The following GET4 variants were observed in gnomAD, a reference collection of about 807,000 sequenced individuals.
The protein encoded by GET4 is guided entry of tail-anchored proteins factor 4, also known as Golgi to ER traffic protein 4 homolog.
GET4 carries 20 observed loss-of-function variants against 40.0 expected under a neutral mutation model. The observed-to-expected ratio is 0.50, with a 90% CI of 0.35 to 0.73. GET4 has a LOEUF of 0.73. GET4 is among the 30% of genes least tolerant of loss of function. The pLI is 0.01. For synonymous variants in GET4, 280 were observed against 194.6 expected (o/e 1.44, Z -3.65); for missense variants, 557 against 454.0 (o/e 1.23, Z -2.06).
intron 4 of GET4, among the ~76,000 whole-genome samples, chr7:889,543 A>C (rs1844267728): frequency 6.6e-6 from 1 of 152,168 alleles, no homozygotes; most frequent in South Asian, 2.1e-4. Context: ...CAGCGCAGTC[A>C]GGAAAGGGCC....
intron 8 of GET4, among the ~76,000 whole-genome samples, chr7:894,614 G>A (rs62430817): frequency 4.6e-5 from 7 of 151,986 alleles, no homozygotes; most frequent in African/African-American, 9.7e-5. Flanking sequence ...CCCAACACCC[G>A]TCAGGAGCGC....
chr7:878,558 T>C (rs1844016316), intron 1 of GET4, among the ~76,000 whole-genome samples: 1 of 151,786 alleles, frequency 6.6e-6, no homozygotes, highest in African/African-American at 2.4e-5. Context: ...TTCAGGGGTT[T>C]TTTCCTTTTA....
Position 891,066 on chromosome 7 carries a change from A to G in GET4, c.605A>G (p.Gln202Arg), listed in dbSNP as rs1773978848. The G allele has an allele frequency of 1.3e-6, 2 of 1,592,148 alleles. No individual in the cohort carries two copies. The highest frequency in any genetic ancestry group is 1.7e-5 in the Admixed American group (1 of 58,380). ...VDMFVAQAVL[Q>R]FLCLKNKSSA... is the part of the protein sequence containing the mutation. ...ATGTTCGTGGCCCAGGCCGTGCTAC[A>G]GTAGGTGTCTGTGGCTCTTCGGGTC... is the stretch of plus-strand genomic sequence containing the variant. Residue 202 changes from glutamine to arginine, a missense_variant and splice_region_variant, in exon 5 of 9, where the codon CAG becomes CGG. By Grantham distance (43) the Gln-to-Arg change is conservative. Coordinates refer to ENST00000265857, the MANE Select transcript of GET4 (RefSeq NM_015949.3).
At chr7:895,116 C>CT (rs1844447663) in intron 8 of GET4, among the ~76,000 whole-genome samples, 1 of 151,902 alleles carries the variant, frequency 6.6e-6, no homozygotes, top group Non-Finnish European at 1.5e-5. Flanking sequence ...TGGAGTCCCC[C>CT]GTGGCTGCTC....
At chr7:894,079 T>A (rs1308364922) in intron 8 of GET4, 108 bp downstream of exon 8, 1 of 628,932 alleles carries the variant, frequency 1.6e-6, no homozygotes, top group East Asian at 2.9e-5. Flanking sequence ...AGTGGTTTTC[T>A]GATCTTTTAA....
chr7:886,062 G>C lies in GET4; in HGVS notation c.162G>C (p.Met54Ile), dbSNP rs1039603539. 1.9e-6 allele frequency: 3 copies of C among 1,601,016 alleles called. No homozygotes were observed. The highest frequency in any genetic ancestry group is 3.3e-4 in the Middle Eastern group (2 of 6,034). ...GGTCTCCTCTCTGTGGCAGGTACATGTCCCAGAGCAAGCACACGGAGGCCC... is the reference window on the plus strand; with the variant it reads ...GGTCTCCTCTCTGTGGCAGGTACATCTCCCAGAGCAAGCACACGGAGGCCC... Reference protein sequence around the residue: ...QMYRTLFFRYMSQSKHTEARE... With the variant: ...QMYRTLFFRYISQSKHTEARE... Residue 54 changes from methionine (M) to isoleucine (I), a missense_variant, in exon 2 of 9, where the codon ATG (methionine) becomes ATC (isoleucine). Coordinates refer to ENST00000265857, the MANE Select transcript of GET4 (RefSeq NM_015949.3).
At chr7:887,550 CCT>C (rs1844216301) in intron 4 of GET4, 31 bp downstream of exon 4, 1 of 1,479,026 alleles carries the variant, frequency 6.8e-7, no homozygotes, top group Non-Finnish European at 9.0e-7. Context: ...GGCGTGGGCA[CCT>C]CTCTGCTCTC....
chr7:895,455 A>C lies in GET4; in HGVS notation c.*33A>C. 8.5e-7 allele frequency: 1 copy of C among 1,174,760 alleles called. No homozygotes were observed. Among genetic ancestry groups the C allele is most frequent in the Non-Finnish European group, 1.3e-6 (1 of 791,384 alleles). 72.8% of individuals were successfully genotyped at this position (1,174,760 alleles called of 1,614,324 possible). ...AGGCCACGTGGAGACACCACGGTCG[A>C]CGACGGCTGGAGGGACGTTTCAGAG... On this transcript the variant is annotated 3_prime_UTR_variant, in exon 9 of 9. Coordinates refer to ENST00000265857, the MANE Select transcript of GET4 (RefSeq NM_015949.3).
intron 4 of GET4, 94 bp downstream of exon 4, chr7:887,613 C>T (rs1468354988): frequency 1.0e-6 from 1 of 1,002,794 alleles, no homozygotes; most frequent in East Asian, 2.9e-5. Flanking sequence ...CCCACCAGGG[C>T]AGAGATGGGG....
At position 876,939 on chromosome 7, in the gene GET4, G is replaced by A. The variant is rs769576488; in HGVS notation, c.155+139G>A. On this transcript the variant is annotated intron_variant, in intron 1 of 8. Transcript: ENST00000265857. ...GAGCTGGACCCAGGGGCCGCGGGTC[G>A]CCCGGCGGAGGGTCTGGGCCGCGTC... The A allele has an allele frequency of 2.8e-4, 79 of 280,546 alleles. No individual in the cohort carries two copies. The Middle Eastern group carries it at 0.012, about 42-fold the overall frequency. 17.4% of individuals were successfully genotyped at this position (280,546 alleles called of 1,614,324 possible).
intron 7 of GET4, 27 bp from the exon 8 acceptor site, chr7:893,872 T>C: frequency 6.2e-7 from 1 of 1,611,824 alleles, no homozygotes; most frequent in Non-Finnish European, 8.5e-7. Flanking sequence ...GTCCACCCCC[T>C]CTGAGCCCGC....
At position 895,570 on chromosome 7, in the gene GET4, GGCTCAGGGTGGCGCGGCT is replaced by G; in HGVS notation, c.*152_*169del. 3 of 512,294 alleles carry G rather than the reference GGCTCAGGGTGGCGCGGCT, an allele frequency of 5.9e-6. No homozygotes were observed. The highest frequency in any genetic ancestry group is 5.1e-5 in the South Asian group (2 of 39,248). 31.7% of individuals were successfully genotyped at this position (512,294 alleles called of 1,614,324 possible). ...CGGCGCGTGTCTGTTTCTGTGCGGC[GGCTCAGGGTGGCGCGGCT>G]GCTGCTCACTGTGCTGCTGGGACCC... On this transcript the variant is annotated 3_prime_UTR_variant, in exon 9 of 9. Coordinates refer to ENST00000265857, the MANE Select transcript of GET4 (RefSeq NM_015949.3).
At chr7:895,245 A>T (rs1755533850) in intron 8 of GET4, 89 bp from the exon 9 acceptor site, 2 of 669,394 alleles carry the variant, frequency 3.0e-6, no homozygotes, top group African/African-American at 3.7e-5. Flanking sequence ...GGACACTGGG[A>T]CACCTTGTGA....
At chr7:888,154 C>G (rs1055519422) in intron 4 of GET4, among the ~76,000 whole-genome samples, 1 of 152,172 alleles carries the variant, frequency 6.6e-6, no homozygotes, top group Non-Finnish European at 1.5e-5. Context: ...TCTGCATGTG[C>G]CTGGGCTTGG....
rs61748968 is a variant in GET4 at position 893,958 on chromosome 7, C to T, written c.882C>T (p.Tyr294=). Residue 294 remains tyrosine, a synonymous_variant, in exon 8 of 9, where the codon TAC becomes TAT. Transcript: ENST00000265857. ...FGVPPKQTSS[Y]GGLLGNLLTS... ...TCCCGCCCAAGCAGACGTCTTCCTA[C>T]GGGGGCCTGCTCGGTAAGCCGGGGC... 5.8e-3 allele frequency: 9,313 copies of T among 1,600,340 alleles called. 441 individuals carry two copies. The African/African-American group carries it at 0.11, about 18-fold the overall frequency.
At chr7:888,007 T>C (rs953076231) in intron 4 of GET4, among the ~76,000 whole-genome samples, 1 of 152,142 alleles carries the variant, frequency 6.6e-6, no homozygotes, top group Non-Finnish European at 1.5e-5. Flanking sequence ...TGGGTAGATA[T>C]TCATTGAGTG....
Position 887,531 on chromosome 7 carries a change from G to A in GET4, c.466+12G>A. 6.6e-7 allele frequency: 1 copy of A among 1,517,184 alleles called. No homozygotes were observed. The highest frequency in any genetic ancestry group is 1.4e-5 in the African/African-American group (1 of 71,916). 94.0% of individuals were successfully genotyped at this position (1,517,184 alleles called of 1,614,324 possible). A position where few individuals can be genotyped will look rare whatever the true frequency, so the allele number is the denominator to read the frequency against. On this transcript the variant is annotated intron_variant, in intron 4 of 8. Coordinates refer to ENST00000265857, the MANE Select transcript of GET4 (RefSeq NM_015949.3). ...CACCCTGTGGAAAGGTAGGCCTGGG[G>A]CCAGGGCAGGCGTGGGCACCTCTCT...
rs1235922049 is a variant in GET4, at chr7:896,020, C to CA, written c.*599dup. 6 of 152,238 alleles carry CA rather than the reference C, an allele frequency of 3.9e-5. No homozygotes were observed. The highest frequency in any genetic ancestry group is 7.3e-5 in the Non-Finnish European group (5 of 68,044). 9.4% of individuals were successfully genotyped at this position (152,238 alleles called of 1,614,324 possible). A position where few individuals can be genotyped will look rare whatever the true frequency, so the allele number is the denominator to read the frequency against. On this transcript the variant is annotated 3_prime_UTR_variant, in exon 9 of 9. Transcript: ENST00000265857. ...GCGGGACGGTGCCTACGGGTACTTG[C>CA]AGCTGTGTCCCATGTGGCATCCCAG...
intron 6 of GET4, 82 bp from the exon 7 acceptor site, chr7:893,658 T>G: frequency 1.1e-6 from 1 of 869,922 alleles, no homozygotes. Context: ...AGGTGAGTGT[T>G]GGGCGCAGGC....
Sources: allele counts gnomAD v4.1 joint callset (sites outside exome capture counted in the v4.1 genomes callset), GRCh38; gene constraint gnomAD v4.1.1; transcripts MANE v1.5; gene names NCBI Gene and HGNC (gene_info 2026-07-23, HGNC 2026-07-21).